RIMBP2: variants seen among roughly 807,000 people sequenced by gnomAD.
RIMBP2 encodes RIMS-binding protein 2.
In RIMBP2, 48 loss-of-function variants were observed where a neutral mutation model predicts 118.6. The observed-to-expected ratio is 0.40, with a 90% CI of 0.32 to 0.51. RIMBP2 has a LOEUF of 0.51. Among genes scored for constraint, RIMBP2 ranks in the 20% least tolerant of loss-of-function variants. The probability of loss-of-function intolerance (pLI) is 0.41; values close to 1 mark genes in which losing one functional copy is unlikely to be tolerated. For missense variants in RIMBP2, 1,551 were observed against 1,768.3 expected (o/e 0.88, Z 2.20); for synonymous variants, 762 against 742.9 (o/e 1.03, Z -0.42).
rs1456757788 is a variant in RIMBP2, at chr12:130,523,031, C to A, written c.-216-5114G>T. 6.6e-6 allele frequency among the ~76,000 whole-genome samples: 1 copy of A among 151,972 alleles called. No homozygotes were observed. Among genetic ancestry groups the A allele is most frequent in the Non-Finnish European group, 1.5e-5 (1 of 67,990 alleles). ...CTGCCTCTATGTCTATCTCTCTGTTCATTTTTCTGGCTCTGTCTCTATGTC... is the reference window on the plus strand; with the variant it reads ...CTGCCTCTATGTCTATCTCTCTGTTAATTTTTCTGGCTCTGTCTCTATGTC... On this transcript the variant is annotated intron_variant, in intron 2 of 22. Transcript: ENST00000690449. This position sits in a 1 kb window ranked among gnomAD's most constrained non-coding sequence, Gnocchi z 4.4.
rs558087232 is a variant in RIMBP2, at chr12:130,397,326, T to A, written c.*35A>T. On this transcript the variant is annotated 3_prime_UTR_variant, in exon 23 of 23. Coordinates refer to ENST00000690449, the MANE Select transcript of RIMBP2 (RefSeq NM_001393629.1). ...GCCCTAGTTTGGAATTAAAGAAAAT[T>A]ACATAGATTTGGCAGTTGTCCGGAA... 1 of 398,840 alleles carries A rather than the reference T, an allele frequency of 2.5e-6. No homozygotes were observed. Among genetic ancestry groups the A allele is most frequent in the African/African-American group, 2.1e-5 (1 of 48,740 alleles). The allele number at this position is 398,840 out of a possible 1,614,324, so 24.7% of individuals were successfully genotyped here. A position where few individuals can be genotyped will look rare whatever the true frequency, so the allele number is the denominator to read the frequency against.
At chr12:130,619,097 T>C (rs78914819) in intron 2 of RIMBP2, among the ~76,000 whole-genome samples, 2,258 of 152,306 alleles carry the variant, frequency 0.015, 59 homozygotes, top group African/African-American at 0.052. Context: ...ACTGAAGAAA[T>C]AAGTTTTCCC....
Position 130,467,864 on chromosome 12 carries a change from G to A in RIMBP2, c.153+2829C>T, listed in dbSNP as rs1181318547. 3.9e-5 allele frequency among the ~76,000 whole-genome samples: 6 copies of A among 152,168 alleles called. No individual in the cohort carries two copies. The East Asian group carries it at 5.8e-4, about 15-fold the overall frequency. On this transcript the variant is annotated intron_variant, in intron 6 of 22. Coordinates refer to ENST00000690449, the MANE Select transcript of RIMBP2 (RefSeq NM_001393629.1). ...CCTCCCGAGGCTGTGTCACAGGTGC[G>A]TCCTTAACATTGGCCATGTCCTGAA...
intron 1 of RIMBP2, among the ~76,000 whole-genome samples, chr12:130,657,148 T>C (rs965929484): frequency 6.6e-6 from 1 of 152,230 alleles, no homozygotes; most frequent in African/African-American, 2.4e-5. Context: ...TCCTCCCAGC[T>C]TGGCCTTTCA....
chr12:130,558,982 T>A (rs975416472), intron 2 of RIMBP2, among the ~76,000 whole-genome samples: 1 of 152,238 alleles, frequency 6.6e-6, no homozygotes, highest in Non-Finnish European at 1.5e-5. Context: ...TATATTTTCA[T>A]AATCTCAACT....
rs769122274 is a variant in RIMBP2 at position 130,581,578 on chromosome 12, T to A, written c.-217+46744A>T. ...GCCCTCCCGTGCCAGTAGGTGGCAA[T>A]TCCAGGCTCTCGCGGCTCAGGCCTC... On this transcript the variant is annotated intron_variant, in intron 2 of 22. Transcript: ENST00000690449. This position sits in a 1 kb window ranked among gnomAD's most constrained non-coding sequence, Gnocchi z 4.4. Among the ~76,000 whole-genome samples the A allele has an allele frequency of 6.6e-6, 1 of 152,202 alleles. No homozygotes were observed. The highest frequency in any genetic ancestry group is 1.5e-5 in the Non-Finnish European group (1 of 68,040).
intron 5 of RIMBP2, among the ~76,000 whole-genome samples, chr12:130,477,017 T>C (rs1237124491): frequency 1.3e-5 from 2 of 152,200 alleles, no homozygotes; most frequent in African/African-American, 4.8e-5. Flanking sequence ...TCAGACTTCC[T>C]CTTCTCATGC....
At chr12:130,429,671 T>G (rs917893204) in intron 14 of RIMBP2, 5 of 152,182 alleles carry the variant, frequency 3.3e-5, no homozygotes, top group Admixed American at 6.5e-5. Flanking sequence ...TTTCAATTCC[T>G]AACCCAGATG....
chr12:130,674,098 A>G (rs1422885969), intron 1 of RIMBP2, among the ~76,000 whole-genome samples: 1 of 152,038 alleles, frequency 6.6e-6, no homozygotes, highest in Non-Finnish European at 1.5e-5. Flanking sequence ...AGCCTGGGCG[A>G]CAGAGTGAGA....
In RIMBP2 at chr12:130,576,795, CCAGGATGGAGATTG is replaced by C; in HGVS notation, c.-217+51513_-217+51526del. Reference sequence around the variant, plus strand: ...AGCTCCGAGTCCTAAACGAATCACACCAGGATGGAGATTGCAGGATGGCGTGTTTCCATCGCGTG... The same window carrying C: ...AGCTCCGAGTCCTAAACGAATCACACCAGGATGGCGTGTTTCCATCGCGTG... On this transcript the variant is annotated intron_variant, in intron 2 of 22. Transcript: ENST00000690449. This position sits in a 1 kb window ranked among gnomAD's most constrained non-coding sequence, Gnocchi z 4.2. 6.6e-6 allele frequency among the ~76,000 whole-genome samples: 1 copy of C among 152,222 alleles called. No individual in the cohort carries two copies.
At chr12:130,555,932 G>T (rs1221182689) in intron 2 of RIMBP2, among the ~76,000 whole-genome samples, 3 of 152,194 alleles carry the variant, frequency 2.0e-5, no homozygotes, top group East Asian at 3.8e-4. Context: ...AATGAGCCAG[G>T]CCCATCGCCA....
chr12:130,513,013 T>C (rs4759705), intron 3 of RIMBP2, among the ~76,000 whole-genome samples: 57,997 of 152,068 alleles, frequency 0.38, 11,622 homozygotes, highest in African/African-American at 0.47. Context: ...AAGAGGGAAA[T>C]TGCTAGTAAG....
chr12:130,603,229 T>G (rs1169211286), intron 2 of RIMBP2, among the ~76,000 whole-genome samples: 1 of 152,204 alleles, frequency 6.6e-6, no homozygotes, highest in African/African-American at 2.4e-5. Context: ...ATACCAAGTG[T>G]TGACAAGGCA....
intron 20 of RIMBP2, 72 bp downstream of exon 20, chr12:130,407,654 C>T (rs1410100500): frequency 8.3e-7 from 1 of 1,197,758 alleles, no homozygotes; most frequent in Non-Finnish European, 1.3e-6. Flanking sequence ...CACGTGGCCT[C>T]AGTGTGGTGT....
intron 1 of RIMBP2, among the ~76,000 whole-genome samples, chr12:130,662,503 A>G (rs2063705887): frequency 6.6e-6 from 1 of 152,094 alleles, no homozygotes; most frequent in Non-Finnish European, 1.5e-5. Flanking sequence ...TAAAAATTCA[A>G]AAACTAGCTG....
intron 3 of RIMBP2, among the ~76,000 whole-genome samples, chr12:130,516,608 A>T (rs1593610844): frequency 6.6e-6 from 1 of 152,222 alleles, no homozygotes; most frequent in East Asian, 1.9e-4. Context: ...GCGTAACCTG[A>T]GGGTTGAAAG....
Position 130,517,814 on chromosome 12 carries a change from G to C in RIMBP2, c.-127+14C>G. 2.0e-6 allele frequency: 2 copies of C among 977,612 alleles called. No homozygotes were observed. The highest frequency in any genetic ancestry group is 2.4e-6 in the Non-Finnish European group (2 of 822,354). 60.6% of individuals were successfully genotyped at this position (977,612 alleles called of 1,614,324 possible). ...CAGGGCCCCAGATGGTCTGTGGACA[G>C]TGGTATCAGCTACCTTGTCATGCTG... On this transcript the variant is annotated intron_variant, in intron 3 of 22. Coordinates refer to ENST00000690449, the MANE Select transcript of RIMBP2 (RefSeq NM_001393629.1).
chr12:130,658,014 G>A (rs1213469178), intron 1 of RIMBP2: 2 of 152,332 alleles, frequency 1.3e-5, no homozygotes, highest in Non-Finnish European at 2.9e-5. Flanking sequence ...GCAGAGTTCA[G>A]CAACGTGACG....
intron 2 of RIMBP2, among the ~76,000 whole-genome samples, chr12:130,534,165 TAA>T (rs35683242): frequency 0.25 from 23,825 of 95,064 alleles, 2,775 homozygotes; most frequent in East Asian, 0.32. Flanking sequence ...AACTCCATCT[TAA>T]AAAAAAAAAA....
Sources: allele counts gnomAD v4.1 joint callset (sites outside exome capture counted in the v4.1 genomes callset), GRCh38; gene constraint gnomAD v4.1.1; non-coding constraint Gnocchi (gnomAD v3.1); transcripts MANE v1.5; gene names NCBI Gene and HGNC (gene_info 2026-07-23, HGNC 2026-07-21).